Variants in REV3L observed in about 807,000 individuals in gnomAD.
The protein encoded by REV3L is REV3 like, DNA directed polymerase zeta catalytic subunit.
Under a neutral mutation model 299.4 loss-of-function variants are expected in REV3L, and 69 were observed. That is an observed-to-expected ratio of 0.23 (90% confidence interval 0.19 to 0.28). The LOEUF (loss-of-function observed/expected upper bound fraction) is 0.28. Among genes scored for constraint, REV3L ranks in the 10% least tolerant of loss-of-function variants. The pLI, the probability that REV3L is intolerant of heterozygous loss-of-function variation, is 1.00. For missense variants in REV3L, 3,128 were observed against 3,693.8 expected (o/e 0.85, Z 3.97); for synonymous variants, 1,238 against 1,271.4 (o/e 0.97, Z 0.56).
intron 20 of REV3L, among the ~76,000 whole-genome samples, chr6:111,348,032 G>A (rs1417708979): frequency 6.6e-6 from 1 of 152,102 alleles, no homozygotes. Context: ...AAACTCCTGG[G>A]CTCAAGTGAT....
intron 3 of REV3L, among the ~76,000 whole-genome samples, chr6:111,408,602 A>AAAAACAAAAAAC (rs1304971610): frequency 2.0e-5 from 3 of 148,120 alleles, no homozygotes; most frequent in East Asian, 4.0e-4. Context: ...ACTCCATCTT[A>AAAAACAAAAAAC]AAAACAAAAC....
At chr6:111,483,524 G>A (rs1435459181), upstream of REV3L, 9 of 516,706 alleles carry the variant, frequency 1.7e-5, no homozygotes, top group South Asian at 3.2e-5. Flanking sequence ...GGGGCTTGCG[G>A]GAGGGGGGCG....
intron 20 of REV3L, among the ~76,000 whole-genome samples, chr6:111,347,991 G>T (rs144928312): frequency 6.6e-6 from 1 of 152,132 alleles, no homozygotes; most frequent in African/African-American, 2.4e-5. Context: ...TGGTAGAGAC[G>T]GGGTTTTGCT....
At chr6:111,452,870 A>C (rs1329362273) in intron 1 of REV3L, among the ~76,000 whole-genome samples, 1 of 152,174 alleles carries the variant, frequency 6.6e-6, no homozygotes, top group Non-Finnish European at 1.5e-5. Context: ...CACTCACCAG[A>C]ATTTATCAAC....
intron 1 of REV3L, among the ~76,000 whole-genome samples, chr6:111,447,881 T>C (rs1161897165): frequency 6.6e-6 from 1 of 152,234 alleles, no homozygotes; most frequent in Non-Finnish European, 1.5e-5. Flanking sequence ...ATGTCTCTAC[T>C]ACTATACAAA....
chr6:111,430,665 A>G, intron 1 of REV3L: 1 of 1,518,024 alleles, frequency 6.6e-7, no homozygotes. Context: ...GACTCTGGAG[A>G]TGCCAAAGCA....
At position 111,417,957 on chromosome 6, in the gene REV3L, A is replaced by G. The variant is rs191883091; in HGVS notation, c.140-1485T>C. Among the ~76,000 whole-genome samples, 202 of 152,326 alleles carry G rather than the reference A, an allele frequency of 1.3e-3. 2 individuals carry two copies. The highest frequency in any genetic ancestry group is 0.013 in the Admixed American group (194 of 15,292). Reference sequence around the variant, plus strand: ...TCATTTCTAAATACAACATGGTATTAATTCCTAAATTTCATAGTTTTTCAA... The same window carrying G: ...TCATTTCTAAATACAACATGGTATTGATTCCTAAATTTCATAGTTTTTCAA... On this transcript the variant is annotated intron_variant, in intron 1 of 31. Transcript: ENST00000368802.
chr6:111,478,064 C>T (rs1023006352), intron 1 of REV3L, among the ~76,000 whole-genome samples: 1 of 152,212 alleles, frequency 6.6e-6, no homozygotes, highest in Non-Finnish European at 1.5e-5. Flanking sequence ...AACTGCCCTG[C>T]AAAGAGCAGT....
chr6:111,482,384 C>T (rs534460638), intron 1 of REV3L, among the ~76,000 whole-genome samples: 1 of 152,206 alleles, frequency 6.6e-6, no homozygotes. Context: ...CCTACGAACC[C>T]GTCCACCGAT....
At chr6:111,394,136 T>C (rs1047773697) in intron 4 of REV3L, among the ~76,000 whole-genome samples, 2 of 152,236 alleles carry the variant, frequency 1.3e-5, no homozygotes, top group African/African-American at 2.4e-5. Flanking sequence ...ATTGATTTCC[T>C]TTCCTTTGGA....
chr6:111,305,313 C>G (rs905487907), intron 31 of REV3L, among the ~76,000 whole-genome samples: 1 of 152,088 alleles, frequency 6.6e-6, no homozygotes, highest in South Asian at 2.1e-4. Flanking sequence ...ATAAGATGGC[C>G]GGGCATCATG....
intron 1 of REV3L, among the ~76,000 whole-genome samples, chr6:111,437,201 T>C (rs1387680093): frequency 6.6e-6 from 1 of 152,280 alleles, no homozygotes; most frequent in African/African-American, 2.4e-5. Flanking sequence ...GTTAAAAAAA[T>C]AGAGTTATCA....
intron 4 of REV3L, among the ~76,000 whole-genome samples, chr6:111,397,639 C>T (rs1446116922): frequency 6.6e-6 from 1 of 151,922 alleles, no homozygotes; most frequent in Non-Finnish European, 1.5e-5. Context: ...GTCTAAAGTG[C>T]AGTTTATTTA....
At chr6:111,481,602 A>G (rs1437239980) in intron 1 of REV3L, among the ~76,000 whole-genome samples, 2 of 152,222 alleles carry the variant, frequency 1.3e-5, no homozygotes, top group African/African-American at 2.4e-5. Flanking sequence ...AACTGACTGT[A>G]GTAATAAGAT....
intron 23 of REV3L, among the ~76,000 whole-genome samples, chr6:111,332,254 G>A (rs1026113071): frequency 7.2e-5 from 11 of 152,012 alleles, no homozygotes; most frequent in African/African-American, 2.7e-4. Flanking sequence ...TGCATTTTTA[G>A]TAGAGACAGG....
At chr6:111,438,323 G>C (rs1347946844) in intron 1 of REV3L, among the ~76,000 whole-genome samples, 4 of 151,806 alleles carry the variant, frequency 2.6e-5, no homozygotes, top group African/African-American at 9.7e-5. Context: ...TGAATATACA[G>C]AAATATAATC....
chr6:111,416,002 G>C (rs1474763229), intron 2 of REV3L, among the ~76,000 whole-genome samples: 1 of 152,088 alleles, frequency 6.6e-6, no homozygotes, highest in Non-Finnish European at 1.5e-5. Flanking sequence ...CACATAAAAA[G>C]TATTTAAGAA....
chr6:111,480,016 T>C (rs1044475007), intron 1 of REV3L, among the ~76,000 whole-genome samples: 7 of 152,228 alleles, frequency 4.6e-5, no homozygotes. Flanking sequence ...AAAAGGGTAT[T>C]AATCCAATCA....
chr6:111,323,868 A>G (rs556471921), intron 25 of REV3L, among the ~76,000 whole-genome samples: 4 of 152,344 alleles, frequency 2.6e-5, no homozygotes, highest in Admixed American at 6.5e-5. Context: ...GAATTACTAA[A>G]TATAGGATTG....
Sources: gnomAD v4.1 joint callset for allele counts (sites outside exome capture counted in the v4.1 genomes callset) on GRCh38, gnomAD v4.1.1 for gene constraint, MANE v1.5 for transcripts, NCBI Gene and HGNC (gene_info 2026-07-23, HGNC 2026-07-21) for gene names.